Variants in MSI2 observed in about 807,000 individuals in gnomAD.
The protein encoded by MSI2 is musashi RNA binding protein 2.
MSI2 carries 17 observed loss-of-function variants against 45.6 expected under a neutral mutation model. The ratio of observed to expected loss-of-function variants is 0.37; its 90% CI spans 0.26 to 0.56. MSI2 has a LOEUF of 0.56. Among genes scored for constraint, MSI2 ranks in the 20% least tolerant of loss-of-function variants. MSI2 has a pLI of 0.77. For missense variants in MSI2, 293 were observed against 444.2 expected (o/e 0.66, Z 3.06); for synonymous variants, 156 against 158.2 (o/e 0.99, Z 0.11).
intron 7 of MSI2, among the ~76,000 whole-genome samples, chr17:57,551,284 G>T (rs1421266865): frequency 6.6e-6 from 1 of 152,146 alleles, no homozygotes; most frequent in Non-Finnish European, 1.5e-5. Flanking sequence ...AACCTGCCCC[G>T]GCTCCATCCT....
intron 6 of MSI2, among the ~76,000 whole-genome samples, chr17:57,412,455 C>A (rs184280976): frequency 1.3e-5 from 2 of 152,200 alleles, no homozygotes; most frequent in African/African-American, 4.8e-5. Context: ...CTTCTGGCTG[C>A]ATCAGTTCCT....
intron 7 of MSI2, among the ~76,000 whole-genome samples, chr17:57,572,096 G>GGACAGGTGACCCT (rs1403087122): frequency 1.3e-5 from 2 of 152,216 alleles, no homozygotes; most frequent in Admixed American, 1.3e-4. Flanking sequence ...AGCCAAGTCA[G>GGACAGGTGACCCT]GACAGGTGAC....
chr17:57,527,024 A>AT (rs2086716868), intron 6 of MSI2, among the ~76,000 whole-genome samples: 1 of 152,210 alleles, frequency 6.6e-6, no homozygotes, highest in African/African-American at 2.4e-5. Context: ...AGGAGAGCCA[A>AT]TTATGCACTG....
chr17:57,570,731 G>T (rs1048123668), intron 7 of MSI2, among the ~76,000 whole-genome samples: 1 of 152,342 alleles, frequency 6.6e-6, no homozygotes, highest in South Asian at 2.1e-4. Flanking sequence ...CCAGCATGGC[G>T]CCCACTGCAA....
intron 6 of MSI2, among the ~76,000 whole-genome samples, chr17:57,509,452 C>T (rs553574507): frequency 5.3e-5 from 8 of 152,104 alleles, no homozygotes; most frequent in Non-Finnish European, 1.2e-4. Flanking sequence ...CAGAGTTTCA[C>T]TCTTGTCGCC....
intron 7 of MSI2, among the ~76,000 whole-genome samples, chr17:57,593,911 G>A (rs919738013): frequency 2.0e-5 from 3 of 152,174 alleles, no homozygotes; most frequent in East Asian, 1.9e-4. Context: ...GTGCCTGTTC[G>A]TGAATTGTGC....
chr17:57,471,536 T>C (rs1246282870), intron 6 of MSI2, among the ~76,000 whole-genome samples: 1 of 152,112 alleles, frequency 6.6e-6, no homozygotes, highest in Admixed American at 6.5e-5. Flanking sequence ...ACAAGCATCG[T>C]ACTCACAGGT....
At chr17:57,283,285 A>G (rs1909585124) in intron 5 of MSI2, among the ~76,000 whole-genome samples, 1 of 152,096 alleles carries the variant, frequency 6.6e-6, no homozygotes, top group Non-Finnish European at 1.5e-5. Context: ...TTATAAGCAG[A>G]GGCCGCACAG....
At chr17:57,463,123 C>T (rs1314602851) in intron 6 of MSI2, among the ~76,000 whole-genome samples, 1 of 152,182 alleles carries the variant, frequency 6.6e-6, no homozygotes, top group African/African-American at 2.4e-5. Context: ...AGATAGATAC[C>T]TGTGTCCCTC....
At position 57,287,131 on chromosome 17, in the gene MSI2, G is replaced by GT. The variant is rs11453609; in HGVS notation, c.312+24954dup. On this transcript the variant is annotated intron_variant, in intron 5 of 13. Coordinates refer to ENST00000284073, the MANE Select transcript of MSI2 (RefSeq NM_138962.4). ...TACAAATAAGTGGTCTCAAAAAGTT[G>GT]TTTTTTTTTTTTTTTAATTTGCTGA... Among the ~76,000 whole-genome samples the GT allele has an allele frequency of 5.1e-4, 75 of 147,074 alleles. 1 individual carries two copies. The highest frequency in any genetic ancestry group is 1.1e-3 in the South Asian group (5 of 4,710).
chr17:57,420,634 G>C (rs1483410495), intron 6 of MSI2, among the ~76,000 whole-genome samples: 1 of 152,132 alleles, frequency 6.6e-6, no homozygotes, highest in Non-Finnish European at 1.5e-5. Flanking sequence ...GGCCCTTCTT[G>C]GGTCTTTGAC....
chr17:57,700,086 C>T, the MSI2 span, among the ~76,000 whole-genome samples: 43,754 of 152,194 alleles, frequency 0.29, 8,209 homozygotes, highest in African/African-American at 0.52. Flanking sequence ...CAAACGTTAA[C>T]GGCTGTTTGA....
intron 7 of MSI2, among the ~76,000 whole-genome samples, chr17:57,579,004 G>T (rs1167080403): frequency 6.6e-6 from 1 of 152,154 alleles, no homozygotes; most frequent in Non-Finnish European, 1.5e-5. Context: ...CAGGCTGGGT[G>T]CTCAGATGCC....
rs936358734 is a variant in MSI2, at chr17:57,552,252, G to T, written c.454+22528G>T. Reference sequence around the variant, plus strand: ...ACATAACCCATGGGGGAGTTGCAGCGGTCTAATTGAAGTTCAGAGTGATGT... The same window carrying T: ...ACATAACCCATGGGGGAGTTGCAGCTGTCTAATTGAAGTTCAGAGTGATGT... On this transcript the variant is annotated intron_variant, in intron 7 of 13. Coordinates refer to ENST00000284073, the MANE Select transcript of MSI2 (RefSeq NM_138962.4). This position sits in a 1 kb window ranked among gnomAD's most constrained non-coding sequence, Gnocchi z 4.3. Among the ~76,000 whole-genome samples the T allele has an allele frequency of 6.6e-6, 1 of 152,162 alleles. No individual in the cohort carries two copies. The highest frequency in any genetic ancestry group is 2.4e-5 in the African/African-American group (1 of 41,434).
intron 5 of MSI2, among the ~76,000 whole-genome samples, chr17:57,292,716 G>A (rs912029080): frequency 1.3e-5 from 2 of 152,152 alleles, no homozygotes; most frequent in African/African-American, 4.8e-5. Flanking sequence ...CCTTGGGAGC[G>A]AGCGAGTCAT....
At chr17:57,324,384 T>C (rs1314902392) in intron 5 of MSI2, among the ~76,000 whole-genome samples, 2 of 152,048 alleles carry the variant, frequency 1.3e-5, no homozygotes, top group Non-Finnish European at 2.9e-5. Flanking sequence ...CCCGCGGTCA[T>C]ATACTCCCCG....
At chr17:57,643,233 C>A (rs986862320) in intron 10 of MSI2, among the ~76,000 whole-genome samples, 4 of 152,194 alleles carry the variant, frequency 2.6e-5, no homozygotes, top group African/African-American at 7.2e-5. Context: ...TGGAGCACCC[C>A]CTACGAGTGG....
At chr17:57,354,804 G>A (rs530618875) in intron 5 of MSI2, among the ~76,000 whole-genome samples, 24 of 152,234 alleles carry the variant, frequency 1.6e-4, no homozygotes, top group African/African-American at 5.5e-4. Context: ...GGAAGGATTC[G>A]AGCAGCCAGA....
intron 9 of MSI2, among the ~76,000 whole-genome samples, chr17:57,618,964 T>A (rs548673744): frequency 1.3e-5 from 2 of 152,346 alleles, no homozygotes; most frequent in Non-Finnish European, 1.5e-5. Context: ...CCCTACAGCA[T>A]AAAATGGAAG....
Sources: allele counts gnomAD v4.1 joint callset (sites outside exome capture counted in the v4.1 genomes callset), GRCh38; gene constraint gnomAD v4.1.1; non-coding constraint Gnocchi (gnomAD v3.1); transcripts MANE v1.5; gene names NCBI Gene and HGNC (gene_info 2026-07-23, HGNC 2026-07-21).